NBAS: variants seen among roughly 807,000 people sequenced by gnomAD.
NBAS encodes the protein NAG/BC035112 fusion.
A neutral mutation model predicts 302.5 loss-of-function variants in NBAS; 219 were observed. The observed-to-expected ratio is 0.72, with a 90% CI of 0.65 to 0.81. The LOEUF is 0.81. NBAS is among the 30% of genes least tolerant of loss of function. The pLI is 0.00. For missense variants in NBAS, 2,932 were observed against 2,841.6 expected (o/e 1.03, Z -0.72); for synonymous variants, 1,118 against 1,021.6 (o/e 1.09, Z -1.80).
At chr2:15,455,942 C>A (rs989665854) in intron 21 of NBAS, among the ~76,000 whole-genome samples, 2 of 152,028 alleles carry the variant, frequency 1.3e-5, no homozygotes, top group Admixed American at 1.3e-4. Context: ...TACCCCACTG[C>A]CAAAATGCTT....
the NBAS span, among the ~76,000 whole-genome samples, chr2:14,995,516 T>C: frequency 2.0e-5 from 3 of 152,214 alleles, no homozygotes; most frequent in Non-Finnish European, 4.4e-5. Flanking sequence ...CTCACCTTTG[T>C]GACTGCTCAG....
At chr2:15,312,141 A>G (rs1452655939) in intron 38 of NBAS, among the ~76,000 whole-genome samples, 3 of 152,216 alleles carry the variant, frequency 2.0e-5, no homozygotes, top group Non-Finnish European at 2.9e-5. Flanking sequence ...TGTTCCTCAG[A>G]TGATCCTCCT....
At chr2:14,909,246 G>C in the NBAS span, among the ~76,000 whole-genome samples, 1 of 151,214 alleles carries the variant, frequency 6.6e-6, no homozygotes, top group Non-Finnish European at 1.5e-5. Context: ...CGTGAATCCG[G>C]GAGGCAGAGT....
At chr2:15,014,665 T>C in the NBAS span, among the ~76,000 whole-genome samples, 4 of 151,886 alleles carry the variant, frequency 2.6e-5, no homozygotes, top group Admixed American at 1.3e-4. Flanking sequence ...TAAATGCCTA[T>C]ATCAAAAAAA....
the NBAS span, among the ~76,000 whole-genome samples, chr2:14,947,823 C>T: frequency 5.9e-5 from 9 of 151,456 alleles, no homozygotes; most frequent in Non-Finnish European, 1.2e-4. Context: ...TTTTTTTAAT[C>T]ATAAAGGGAT....
At chr2:14,796,026 A>G in the NBAS span, among the ~76,000 whole-genome samples, 1 of 152,216 alleles carries the variant, frequency 6.6e-6, no homozygotes, top group Non-Finnish European at 1.5e-5. Flanking sequence ...TTTTTGTAAC[A>G]TTATATAAGG....
chr2:15,029,020 T>C, the NBAS span, among the ~76,000 whole-genome samples: 3 of 152,314 alleles, frequency 2.0e-5, no homozygotes, highest in African/African-American at 4.8e-5. Flanking sequence ...GTTTATTCCC[T>C]TATTAGTTTG....
At chr2:14,848,320 C>CG in the NBAS span, among the ~76,000 whole-genome samples, 1 of 146,344 alleles carries the variant, frequency 6.8e-6, no homozygotes, top group African/African-American at 2.7e-5. Flanking sequence ...GGGTGACGGA[C>CG]ACACCTGGAA....
intron 21 of NBAS, among the ~76,000 whole-genome samples, chr2:15,449,936 G>C (rs2148535927): frequency 6.6e-6 from 1 of 152,234 alleles, no homozygotes; most frequent in East Asian, 1.9e-4. Context: ...ATTGAATTTT[G>C]ATTAGGTAAC....
chr2:15,536,963 C>T (rs1347281277), intron 7 of NBAS, among the ~76,000 whole-genome samples: 2 of 152,232 alleles, frequency 1.3e-5, no homozygotes, highest in Non-Finnish European at 2.9e-5. Context: ...CTCCAGTTTC[C>T]ATTTGCCTAA....
chr2:15,417,759 C>A, intron 23 of NBAS, 47 bp from the exon 24 acceptor site: 1 of 1,556,778 alleles, frequency 6.4e-7, no homozygotes, highest in East Asian at 2.3e-5. Context: ...ATATATTTCT[C>A]ATCTATTCTA....
chr2:14,866,951 G>A, the NBAS span, among the ~76,000 whole-genome samples: 24 of 152,216 alleles, frequency 1.6e-4, no homozygotes, highest in Admixed American at 4.6e-4. Flanking sequence ...ATCTAACTGC[G>A]ACACTGAGTC....
At chr2:14,786,444 C>G in the NBAS span, among the ~76,000 whole-genome samples, 1 of 152,130 alleles carries the variant, frequency 6.6e-6, no homozygotes, top group Non-Finnish European at 1.5e-5. Flanking sequence ...TTCCTGCTTT[C>G]TCCTGTGGGT....
the NBAS span, among the ~76,000 whole-genome samples, chr2:14,916,609 C>T: frequency 2.0e-5 from 3 of 152,070 alleles, no homozygotes; most frequent in Non-Finnish European, 4.4e-5. Flanking sequence ...ATAGTATATA[C>T]AAAAGCTGAA....
the NBAS span, among the ~76,000 whole-genome samples, chr2:15,040,495 G>A: frequency 4.6e-5 from 7 of 152,108 alleles, no homozygotes; most frequent in Admixed American, 6.5e-5. Flanking sequence ...TCAGGGCTCC[G>A]GAAGAAAAAA....
chr2:14,796,510 C>A, the NBAS span, among the ~76,000 whole-genome samples: 7,866 of 152,190 alleles, frequency 0.052, 215 homozygotes, highest in African/African-American at 0.059. Flanking sequence ...TTTCTCTTAG[C>A]AATGTTTTGT....
the NBAS span, among the ~76,000 whole-genome samples, chr2:15,073,277 G>C: frequency 6.6e-6 from 1 of 152,094 alleles, no homozygotes; most frequent in Admixed American, 6.5e-5. Flanking sequence ...TCAGGAGTTT[G>C]AGACCAGCCT....
At chr2:14,846,666 T>A in the NBAS span, among the ~76,000 whole-genome samples, 1 of 151,716 alleles carries the variant, frequency 6.6e-6, no homozygotes, top group Non-Finnish European at 1.5e-5. Flanking sequence ...AACAAAAAAG[T>A]TGAAAAGTGG....
intron 48 of NBAS, among the ~76,000 whole-genome samples, chr2:15,199,844 G>T (rs964798951): frequency 5.3e-5 from 8 of 151,278 alleles, no homozygotes; most frequent in Non-Finnish European, 1.0e-4. Context: ...GAAATGATAG[G>T]TATTACATTA....
Sources: allele counts gnomAD v4.1 joint callset (sites outside exome capture counted in the v4.1 genomes callset), GRCh38; gene constraint gnomAD v4.1.1; transcripts MANE v1.5; gene names NCBI Gene and HGNC (gene_info 2026-07-23, HGNC 2026-07-21).